Variants in NAT10 observed in about 807,000 individuals in gnomAD.
The protein encoded by NAT10 is RNA cytidine acetyltransferase.
A neutral mutation model predicts 132.2 loss-of-function variants in NAT10; 109 were observed. That is an observed-to-expected ratio of 0.82 (90% CI 0.71 to 0.97). The LOEUF is 0.97. Among genes scored for constraint, NAT10 ranks in the 50% least tolerant of loss-of-function variants. The pLI, the probability that NAT10 is intolerant of heterozygous loss-of-function variation, is 0.00. For missense variants in NAT10, 1,184 were observed against 1,263.4 expected (o/e 0.94, Z 0.95); for synonymous variants, 479 against 478.0 (o/e 1.00, Z -0.03).
chr11:34,125,479 C>T (rs1489979435), intron 11 of NAT10, among the ~76,000 whole-genome samples: 4 of 152,166 alleles, frequency 2.6e-5, no homozygotes, highest in Non-Finnish European at 5.9e-5. Context: ...CTTTATGAGA[C>T]TCCATTTGTG....
Position 34,139,244 on chromosome 11 carries a change from G to A in NAT10, c.2265G>A (p.Glu755=). Residue 755 remains glutamate, a synonymous_variant, in exon 22 of 29, where the codon GAG becomes GAA. Coordinates refer to ENST00000257829, the MANE Select transcript of NAT10 (RefSeq NM_024662.3). Reference sequence around the variant, plus strand: ...TCATGCTGAAGACGCTCACTGATGAGGATGAGGCTGACCAGGGAGGCTGGC... The same window carrying A: ...TCATGCTGAAGACGCTCACTGATGAAGATGAGGCTGACCAGGGAGGCTGGC... ...SCIMLKTLTD[E]DEADQGGWLA... is the part of the protein sequence containing the mutation. 6.2e-7 allele frequency: 1 copy of A among 1,614,170 alleles called. No individual in the cohort carries two copies. Among genetic ancestry groups the A allele is most frequent in the South Asian group, 1.1e-5 (1 of 91,090 alleles).
At chr11:34,124,118 G>A (rs1023780518) in intron 10 of NAT10, among the ~76,000 whole-genome samples, 184 bp from the exon 11 acceptor site, 1 of 152,000 alleles carries the variant, frequency 6.6e-6, no homozygotes, top group Non-Finnish European at 1.5e-5. Flanking sequence ...GCAGTGAGCT[G>A]AGATCACGCC....
rs1222078534 is a variant in NAT10 at position 34,130,518 on chromosome 11, T to C, written c.1245-295T>C. 2.0e-5 allele frequency among the ~76,000 whole-genome samples: 3 copies of C among 152,196 alleles called. No individual in the cohort carries two copies. The East Asian group carries it at 5.8e-4, about 29-fold the overall frequency. On this transcript the variant is annotated intron_variant, in intron 12 of 28. Coordinates refer to ENST00000257829, the MANE Select transcript of NAT10 (RefSeq NM_024662.3). ...TCACATCACAGTCCTGTGAGGTGTA[T>C]AGAATAATCCCCTCTTGAAGATGAG...
At chr11:34,124,506 T>G in intron 11 of NAT10, 106 bp downstream of exon 11, 1 of 746,412 alleles carries the variant, frequency 1.3e-6, no homozygotes, top group Non-Finnish European at 2.2e-6. Context: ...TGTAATTGCA[T>G]GTCTTTTAGA....
chr11:34,132,025 G>A, intron 14 of NAT10, 100 bp from the exon 15 acceptor site: 2 of 863,422 alleles, frequency 2.3e-6, no homozygotes, highest in Non-Finnish European at 4.0e-6. Flanking sequence ...AGGACACTGA[G>A]CTCCTGTTCC....
chr11:34,146,160 A>G lies in NAT10; in HGVS notation c.3046A>G (p.Lys1016Glu), dbSNP rs1190816709. The stretch of plus-strand genomic sequence containing the variant: ...GTTGAAGAACAGAGAGACAAAGAAC[A>G]AAAAAGATATGAAACTGAAGCGGAA... ...KKLKNRETKNKKDMKLKRKK is the reference protein window; with the variant it reads ...KKLKNRETKNEKDMKLKRKK The change falls in exon 29 of 29, where the codon AAA (lysine) becomes GAA (glutamate). Residue 1016 changes from lysine to glutamate, a missense_variant. Coordinates refer to ENST00000257829, the MANE Select transcript of NAT10 (RefSeq NM_024662.3). 4 of 1,609,174 alleles carry G rather than the reference A, an allele frequency of 2.5e-6. No individual in the cohort carries two copies. Among genetic ancestry groups the G allele is most frequent in the African/African-American group, 1.3e-5 (1 of 74,740 alleles).
At chr11:34,130,401 A>T (rs1029612414) in intron 12 of NAT10, among the ~76,000 whole-genome samples, 20 of 152,308 alleles carry the variant, frequency 1.3e-4, no homozygotes, top group African/African-American at 4.8e-4. Flanking sequence ...TTAGTTGACC[A>T]TTTAACTTTG....
Position 34,146,441 on chromosome 11 carries a change from C to T in NAT10, c.*249C>T, listed in dbSNP as rs1852443199. The stretch of plus-strand genomic sequence containing the variant: ...TAGAATTGCCACGAGTCTCTCTCTT[C>T]CTGCCCAGTCCAGGGCCCTCCTTTC... On this transcript the variant is annotated 3_prime_UTR_variant, in exon 29 of 29. Coordinates refer to ENST00000257829, the MANE Select transcript of NAT10 (RefSeq NM_024662.3). 1 of 391,408 alleles carries T rather than the reference C, an allele frequency of 2.6e-6. No homozygotes were observed. The highest frequency in any genetic ancestry group is 2.0e-5 in the African/African-American group (1 of 48,884). 24.2% of individuals were successfully genotyped at this position (391,408 alleles called of 1,614,324 possible). A position where few individuals can be genotyped will look rare whatever the true frequency, so the allele number is the denominator to read the frequency against.
intron 21 of NAT10, 103 bp downstream of exon 21, chr11:34,137,129 T>G: frequency 1.3e-5 from 17 of 1,282,402 alleles, no homozygotes; most frequent in Middle Eastern, 2.0e-4. Flanking sequence ...TGCATCGCTC[T>G]GAGCAGGTGG....
At chr11:34,122,184 A>G (rs1176250162) in intron 8 of NAT10, among the ~76,000 whole-genome samples, 5 of 152,026 alleles carry the variant, frequency 3.3e-5, no homozygotes, top group Non-Finnish European at 2.9e-5. Flanking sequence ...CTCAGAAGGA[A>G]AAAAAAAGTC....
intron 3 of NAT10, among the ~76,000 whole-genome samples, chr11:34,110,956 G>T (rs1015235646): frequency 6.6e-6 from 1 of 152,202 alleles, no homozygotes; most frequent in Non-Finnish European, 1.5e-5. Flanking sequence ...GTATTCTGTT[G>T]TATATACTCT....
rs1851739198 is a variant in NAT10 at position 34,113,770 on chromosome 11, G to A, written c.427G>A (p.Gly143Ser). 2.5e-6 allele frequency: 4 copies of A among 1,614,148 alleles called. No homozygotes were observed. The highest frequency in any genetic ancestry group is 3.4e-6 in the Non-Finnish European group (4 of 1,180,022). Residue 143 changes from glycine (G) to serine (S), a missense_variant, in exon 5 of 29, where the codon GGT becomes AGT. Physicochemically the swap from Gly to Ser is moderately conservative, Grantham distance 56. Transcript: ENST00000257829. ...GGCCAGGACTGTAGAAACAGTGGAA[G>A]GTGGTGGGCTAGTGGTCATCCTCCT... Reference protein sequence around the residue: ...LLARTVETVEGGGLVVILLRT... With the variant: ...LLARTVETVESGGLVVILLRT...
Position 34,133,040 on chromosome 11 carries a change from T to G in NAT10, c.1632T>G (p.Asp544Glu), listed in dbSNP as rs1388916429. 3 of 1,613,930 alleles carry G rather than the reference T, an allele frequency of 1.9e-6. No individual in the cohort carries two copies. Among genetic ancestry groups the G allele is most frequent in the Non-Finnish European group, 2.5e-6 (3 of 1,179,952 alleles). Residue 544 changes from aspartate to glutamate, a missense_variant, in exon 16 of 29, where the codon GAT becomes GAG. By Grantham distance (45) the Asp-to-Glu change is conservative (BLOSUM62 2). Transcript: ENST00000257829. ...GGCTTCCACAGAACTCTCCCAATGA[T>G]CTCCAGATGCTCTCCGATGCACCTG... Reference protein sequence around the residue: ...VASHYKNSPNDLQMLSDAPAH... With the variant: ...VASHYKNSPNELQMLSDAPAH...
At chr11:34,135,366 C>A (rs1021062976) in intron 19 of NAT10, 75 bp downstream of exon 19, 3 of 1,218,820 alleles carry the variant, frequency 2.5e-6, no homozygotes, top group East Asian at 2.3e-5. Flanking sequence ...GGGGCATCAA[C>A]AAAAACCAGT....
intron 3 of NAT10, 29 bp downstream of exon 3, chr11:34,108,862 C>G (rs1205126924): frequency 6.4e-7 from 1 of 1,572,186 alleles, no homozygotes; most frequent in Non-Finnish European, 8.7e-7. Context: ...GTGTTTTATC[C>G]AACTTACAAT....
chr11:34,141,321 TCACACACACA>T lies in NAT10; in HGVS notation c.2712+130_2712+139del, dbSNP rs66674391. On this transcript the variant is annotated intron_variant, in intron 25 of 28. Coordinates refer to ENST00000257829, the MANE Select transcript of NAT10 (RefSeq NM_024662.3). ...ATTTAGCTGTGTTTGCTGCATCTCGTCACACACACACACACACACACACACAAATCCAGGA... is the reference window on the plus strand; with the variant it reads ...ATTTAGCTGTGTTTGCTGCATCTCGTCACACACACACACACAAATCCAGGA... 236 of 1,212,094 alleles carry T rather than the reference TCACACACACA, an allele frequency of 1.9e-4. No homozygotes were observed. The African/African-American group carries it at 3.3e-3, about 17-fold the overall frequency. 75.1% of individuals were successfully genotyped at this position (1,212,094 alleles called of 1,614,324 possible).
At chr11:34,115,445 G>A (rs1236382080) in intron 5 of NAT10, among the ~76,000 whole-genome samples, 2 of 152,118 alleles carry the variant, frequency 1.3e-5, no homozygotes, top group African/African-American at 4.8e-5. Flanking sequence ...TGTAGCATTT[G>A]TCAAAATTTG....
chr11:34,131,983 C>T (rs1275091026), intron 14 of NAT10, 142 bp from the exon 15 acceptor site: 42 of 694,716 alleles, frequency 6.0e-5, no homozygotes, highest in Non-Finnish European at 9.8e-5. Context: ...CGCGCCTGGC[C>T]CTCTTCTTCC....
In NAT10 at chr11:34,113,801, C is replaced by T; in HGVS notation, c.458C>T (p.Thr153Ile). The T allele has an allele frequency of 6.2e-7, 1 of 1,614,036 alleles. No homozygotes were observed. The highest frequency in any genetic ancestry group is 8.5e-7 in the Non-Finnish European group (1 of 1,179,940). Residue 153 changes from threonine to isoleucine, a missense_variant, in exon 5 of 29, where the codon ACC (threonine) becomes ATC (isoleucine). Physicochemically the swap from Thr to Ile is moderately conservative, Grantham distance 89. Coordinates refer to ENST00000257829, the MANE Select transcript of NAT10 (RefSeq NM_024662.3). ...GGGLVVILLR[T>I]MNSLKQLYTV... The stretch of plus-strand genomic sequence containing the variant: ...GGGCTAGTGGTCATCCTCCTACGGA[C>T]CATGAACTCACTCAAGCAATTGTAC...
Sources: gnomAD v4.1 joint callset for allele counts (sites outside exome capture counted in the v4.1 genomes callset) on GRCh38, gnomAD v4.1.1 for gene constraint, MANE v1.5 for transcripts, NCBI Gene and HGNC (gene_info 2026-07-23, HGNC 2026-07-21) for gene names.